The following RGSL1 variants were observed in gnomAD, a reference collection of about 807,000 sequenced individuals.
RGSL1 encodes regulator of G protein signaling protein-like.
RGSL1 carries 97 observed loss-of-function variants against 124.7 expected under a neutral mutation model. The ratio of observed to expected loss-of-function variants is 0.78; its 90% CI spans 0.66 to 0.92. The LOEUF is 0.92. Among genes scored for constraint, RGSL1 ranks in the 40% least tolerant of loss-of-function variants. The pLI, the probability that RGSL1 is intolerant of heterozygous loss-of-function variation, is 0.00. For missense variants in RGSL1, 1,233 were observed against 1,288.4 expected (o/e 0.96, Z 0.66); for synonymous variants, 424 against 438.1 (o/e 0.97, Z 0.40).
chr1:182,517,067 C>A (rs1657949827), intron 9 of RGSL1, among the ~76,000 whole-genome samples: 1 of 151,916 alleles, frequency 6.6e-6, no homozygotes, highest in African/African-American at 2.4e-5. Flanking sequence ...TTGGTGAATT[C>A]TCTCAGCTTT....
chr1:182,449,516 T>A (rs1452210840), upstream of RGSL1, among the ~76,000 whole-genome samples: 1 of 152,224 alleles, frequency 6.6e-6, no homozygotes, highest in Non-Finnish European at 1.5e-5. Context: ...TCTCTCATCT[T>A]AATATTTACT....
chr1:182,553,398 T>C, intron 18 of RGSL1, 57 bp from the exon 19 acceptor site: 1 of 1,318,088 alleles, frequency 7.6e-7, no homozygotes, highest in Non-Finnish European at 1.1e-6. Context: ...TTAGAGAGAT[T>C]TATTTCAGTA....
At chr1:182,531,487 A>T (rs891039301) in intron 13 of RGSL1, among the ~76,000 whole-genome samples, 11 of 152,162 alleles carry the variant, frequency 7.2e-5, no homozygotes, top group African/African-American at 2.2e-4. Context: ...CCCCTTAGAG[A>T]TTCACTTGTT....
At chr1:182,482,316 T>A (rs1024520672) in intron 6 of RGSL1, among the ~76,000 whole-genome samples, 1 of 151,996 alleles carries the variant, frequency 6.6e-6, no homozygotes, top group African/African-American at 2.4e-5. Context: ...CCCTCTAACA[T>A]CCAGAACAAG....
intron 6 of RGSL1, among the ~76,000 whole-genome samples, chr1:182,476,061 CG>C (rs1331710349): frequency 6.6e-6 from 1 of 152,096 alleles, no homozygotes; most frequent in Non-Finnish European, 1.5e-5. Flanking sequence ...CTGGAGTTTT[CG>C]GCTCTAAGTC....
chr1:182,518,509 C>A lies in RGSL1; in HGVS notation c.1826-3495C>A, dbSNP rs74128939. 8.4e-3 allele frequency among the ~76,000 whole-genome samples: 1,279 copies of A among 152,278 alleles called. 27 individuals carry two copies. Among genetic ancestry groups the A allele is most frequent in the African/African-American group, 0.03 (1,233 of 41,548 alleles). ...GATCTATAGAGCAGAGTTTCCAGAA[C>A]TGGGGATGGTAGCCCCACTTACCCG... On this transcript the variant is annotated intron_variant, in intron 9 of 21. Transcript: ENST00000294854.
chr1:182,507,967 T>C (rs923321844), intron 9 of RGSL1, among the ~76,000 whole-genome samples: 2 of 152,152 alleles, frequency 1.3e-5, no homozygotes, highest in Non-Finnish European at 2.9e-5. Context: ...CCTCTCAACA[T>C]GCTGATAGTG....
intron 6 of RGSL1, among the ~76,000 whole-genome samples, chr1:182,481,488 G>A (rs10797776): frequency 0.16 from 23,585 of 152,128 alleles, 2,381 homozygotes; most frequent in Admixed American, 0.26. Context: ...ACAAGATGGC[G>A]TCACTGGTGA....
At chr1:182,466,740 G>T in intron 4 of RGSL1, among the ~76,000 whole-genome samples, 1 of 152,076 alleles carries the variant, frequency 6.6e-6, no homozygotes, top group South Asian at 2.1e-4. Flanking sequence ...TTGTTAACAT[G>T]CCAATACAAC....
intron 2 of RGSL1, among the ~76,000 whole-genome samples, chr1:182,456,384 C>T (rs1210318681): frequency 6.6e-6 from 1 of 151,892 alleles, no homozygotes; most frequent in Non-Finnish European, 1.5e-5. Context: ...GCAACCTCCA[C>T]CTTCTGGGTT....
intron 14 of RGSL1, among the ~76,000 whole-genome samples, chr1:182,536,395 C>A (rs928775160): frequency 4.6e-5 from 7 of 152,144 alleles, no homozygotes; most frequent in Admixed American, 3.9e-4. Flanking sequence ...AGTGATTGTA[C>A]CATTTTTGCA....
At chr1:182,451,227 A>T (rs968282486) in intron 1 of RGSL1, among the ~76,000 whole-genome samples, 1 of 152,082 alleles carries the variant, frequency 6.6e-6, no homozygotes, top group African/African-American at 2.4e-5. Flanking sequence ...CATTGTGCAA[A>T]CACTTTTAGA....
At chr1:182,546,750 G>C (rs1388440822) in intron 15 of RGSL1, among the ~76,000 whole-genome samples, 1 of 152,068 alleles carries the variant, frequency 6.6e-6, no homozygotes, top group Non-Finnish European at 1.5e-5. Context: ...ATTCTAACTT[G>C]TTTTCATAGA....
chr1:182,523,633 A>C (rs1658519610), intron 10 of RGSL1, among the ~76,000 whole-genome samples: 1 of 152,156 alleles, frequency 6.6e-6, no homozygotes, highest in African/African-American at 2.4e-5. Context: ...TCATGACTTC[A>C]GTTAAGACCA....
chr1:182,504,169 C>G (rs534021911), intron 9 of RGSL1, among the ~76,000 whole-genome samples: 2 of 151,710 alleles, frequency 1.3e-5, no homozygotes, highest in Non-Finnish European at 2.9e-5. Flanking sequence ...TTAGTAGAGA[C>G]GGGGTTTCAC....
chr1:182,542,324 T>G (rs1659945713), intron 15 of RGSL1, among the ~76,000 whole-genome samples: 1 of 152,210 alleles, frequency 6.6e-6, no homozygotes, highest in African/African-American at 2.4e-5. Context: ...GAGACGGTCC[T>G]TTCCCCCATT....
intron 2 of RGSL1, among the ~76,000 whole-genome samples, chr1:182,455,358 G>T (rs532915749): frequency 3.9e-5 from 6 of 152,164 alleles, no homozygotes; most frequent in Admixed American, 2.6e-4. Flanking sequence ...AAGGTGGGGG[G>T]ATCACCTGAA....
intron 6 of RGSL1, among the ~76,000 whole-genome samples, chr1:182,482,569 G>C (rs1558281088): frequency 6.6e-6 from 1 of 152,152 alleles, no homozygotes; most frequent in Non-Finnish European, 1.5e-5. Flanking sequence ...TAAAGTTGCA[G>C]GATAAAATCA....
chr1:182,465,653 G>A (rs1440651285), intron 4 of RGSL1, among the ~76,000 whole-genome samples: 1 of 152,040 alleles, frequency 6.6e-6, no homozygotes, highest in Non-Finnish European at 1.5e-5. Context: ...CTAGCAAAGA[G>A]ATTAAAACAG....
Sources: gnomAD v4.1 joint callset for allele counts (sites outside exome capture counted in the v4.1 genomes callset) on GRCh38, gnomAD v4.1.1 for gene constraint, MANE v1.5 for transcripts, NCBI Gene and HGNC (gene_info 2026-07-23, HGNC 2026-07-21) for gene names.